The following VXN variants were observed in gnomAD, a reference collection of about 807,000 sequenced individuals.
VXN encodes uncharacterized protein C8orf46.
Under a neutral mutation model 23.1 loss-of-function variants are expected in VXN, and 7 were observed. The ratio of observed to expected loss-of-function variants is 0.30; its 90% CI spans 0.17 to 0.57. The LOEUF is 0.57. Ranked by LOEUF, VXN falls within the 20% of genes least tolerant of loss-of-function variation. The probability of loss-of-function intolerance (pLI) is 0.91; values close to 1 mark genes in which losing one functional copy is unlikely to be tolerated. For missense variants in VXN, 238 were observed against 272.6 expected (o/e 0.87, Z 0.89); for synonymous variants, 120 against 105.8 (o/e 1.13, Z -0.83).
At chr8:66,509,756 A>T (rs973251525) in intron 3 of VXN, among the ~76,000 whole-genome samples, 1 of 152,206 alleles carries the variant, frequency 6.6e-6, no homozygotes, top group African/African-American at 2.4e-5. Flanking sequence ...GGTATACAGC[A>T]AAATTGAGCT....
intron 2 of VXN, among the ~76,000 whole-genome samples, chr8:66,497,105 G>A (rs1807636010): frequency 6.6e-6 from 1 of 152,194 alleles, no homozygotes; most frequent in East Asian, 1.9e-4. Flanking sequence ...GGATGGTCTC[G>A]ATCTCCTGAC....
chr8:66,502,038 C>T (rs981574473), intron 2 of VXN, among the ~76,000 whole-genome samples: 1 of 152,174 alleles, frequency 6.6e-6, no homozygotes, highest in Admixed American at 6.5e-5. Flanking sequence ...ATGTCAGGTT[C>T]CTTCTTCTCA....
intron 1 of VXN, 150 bp downstream of exon 1, chr8:66,493,868 G>A: frequency 3.1e-6 from 2 of 644,130 alleles, no homozygotes; most frequent in Non-Finnish European, 5.5e-6. Flanking sequence ...TTTTGGAGGG[G>A]GGAAAGAGGC....
chr8:66,511,317 G>A (rs926628441), intron 4 of VXN, among the ~76,000 whole-genome samples: 1 of 152,238 alleles, frequency 6.6e-6, no homozygotes, highest in Non-Finnish European at 1.5e-5. Context: ...CATAGGTGGT[G>A]CAATGTGAGA....
chr8:66,515,206 C>T (rs779128266), intron 5 of VXN, among the ~76,000 whole-genome samples: 2 of 152,186 alleles, frequency 1.3e-5, no homozygotes, highest in East Asian at 1.9e-4. Flanking sequence ...CACGTGGCTG[C>T]GTTGCAAAGG....
At chr8:66,498,052 C>G (rs1313724043) in intron 2 of VXN, among the ~76,000 whole-genome samples, 1 of 151,936 alleles carries the variant, frequency 6.6e-6, no homozygotes. Context: ...CCTGTAATCC[C>G]AGCTACTCAG....
intron 4 of VXN, among the ~76,000 whole-genome samples, chr8:66,513,043 C>T (rs1807842808): frequency 6.6e-6 from 1 of 152,124 alleles, no homozygotes; most frequent in Non-Finnish European, 1.5e-5. Context: ...GCAAGGAGGT[C>T]CGAGGTCACT....
chr8:66,495,639 C>T (rs10100008), intron 1 of VXN, among the ~76,000 whole-genome samples: 18,268 of 152,224 alleles, frequency 0.12, 1,244 homozygotes, highest in Middle Eastern at 0.15. Flanking sequence ...TCATTCATGG[C>T]CACTTCCTTG....
intron 2 of VXN, among the ~76,000 whole-genome samples, chr8:66,496,805 A>C (rs1488918311): frequency 6.6e-6 from 1 of 151,994 alleles, no homozygotes; most frequent in Admixed American, 6.6e-5. Context: ...TTCCTGATCT[A>C]GGTGTTTTCC....
At chr8:66,504,011 G>A (rs1304977357) in intron 2 of VXN, among the ~76,000 whole-genome samples, 1 of 152,170 alleles carries the variant, frequency 6.6e-6, no homozygotes, top group African/African-American at 2.4e-5. Context: ...TGGAGAAGAG[G>A]AGGCACTGTC....
chr8:66,499,336 G>A (rs1291812286), intron 2 of VXN, among the ~76,000 whole-genome samples: 2 of 147,904 alleles, frequency 1.4e-5, no homozygotes, highest in East Asian at 4.0e-4. Flanking sequence ...GGGCTCAAGT[G>A]ATCCTCCCTT....
chr8:66,510,636 C>T (rs1260773846), intron 4 of VXN, among the ~76,000 whole-genome samples: 2 of 152,180 alleles, frequency 1.3e-5, no homozygotes, highest in Admixed American at 6.5e-5. Flanking sequence ...AACAATTTCT[C>T]ACAGTTCTGG....
Position 66,493,618 on chromosome 8 carries a change from T to G in VXN, c.-31T>G. On this transcript the variant is annotated 5_prime_UTR_variant, in exon 1 of 6. Coordinates refer to ENST00000305454, the MANE Select transcript of VXN (RefSeq NM_152765.4). ...GGGGTCCAGAGACAGAGGCCTCCAG[T>G]TCCCAGGCACTTCGGGAAGAGGAGG... 1.2e-6 allele frequency: 2 copies of G among 1,606,264 alleles called. No individual in the cohort carries two copies. Among genetic ancestry groups the G allele is most frequent in the Non-Finnish European group, 1.7e-6 (2 of 1,173,800 alleles).
intron 5 of VXN, among the ~76,000 whole-genome samples, chr8:66,514,597 T>G (rs908990935): frequency 3.3e-5 from 5 of 151,994 alleles, no homozygotes; most frequent in Admixed American, 2.6e-4. Context: ...GCCCAGCCGA[T>G]TTTTGTATTT....
At chr8:66,501,826 C>T (rs1373051207) in intron 2 of VXN, among the ~76,000 whole-genome samples, 1 of 152,168 alleles carries the variant, frequency 6.6e-6, no homozygotes, top group African/African-American at 2.4e-5. Context: ...TGTCTCTGGT[C>T]TCTTGTGTCC....
chr8:66,501,224 T>C (rs1215508410), intron 2 of VXN: 1 of 152,178 alleles, frequency 6.6e-6, no homozygotes, highest in African/African-American at 2.4e-5. Context: ...GAATACTTCA[T>C]GAATTTGCGT....
At chr8:66,506,377 C>T (rs1385096262) in intron 3 of VXN, among the ~76,000 whole-genome samples, 1 of 151,366 alleles carries the variant, frequency 6.6e-6, no homozygotes, top group African/African-American at 2.4e-5. Context: ...GTAAGTTTGT[C>T]TTGAAAACTG....
At chr8:66,509,210 T>TA (rs938812330) in intron 3 of VXN, among the ~76,000 whole-genome samples, 48 of 152,340 alleles carry the variant, frequency 3.2e-4, no homozygotes, top group African/African-American at 1.1e-3. Flanking sequence ...GAGTTATTTC[T>TA]AGATGCTGTA....
At chr8:66,497,492 CATGCAT>C (rs1807639778) in intron 2 of VXN, among the ~76,000 whole-genome samples, 1 of 152,230 alleles carries the variant, frequency 6.6e-6, no homozygotes, top group African/African-American at 2.4e-5. Flanking sequence ...GCTGCTTTAA[CATGCAT>C]ATGCATTACT....
Sources: gnomAD v4.1 joint callset for allele counts (sites outside exome capture counted in the v4.1 genomes callset) on GRCh38, gnomAD v4.1.1 for gene constraint, MANE v1.5 for transcripts, NCBI Gene and HGNC (gene_info 2026-07-23, HGNC 2026-07-21) for gene names.